Variants in CYSTM1 observed in about 807,000 individuals in gnomAD.
CYSTM1 encodes the protein cysteine-rich transmembrane module-containing protein 1.
A neutral mutation model predicts 13.1 loss-of-function variants in CYSTM1; 4 were observed. The ratio of observed to expected loss-of-function variants is 0.31; its 90% CI spans 0.15 to 0.70. The LOEUF (loss-of-function observed/expected upper bound fraction) is 0.70. Ranked by LOEUF, CYSTM1 falls within the 30% of genes least tolerant of loss-of-function variation. The pLI is 0.72. For missense variants in CYSTM1, 96 were observed against 121.6 expected, an observed-to-expected ratio of 0.79 and a Z score of 0.99; for synonymous variants, 36 against 42.7, an observed-to-expected ratio of 0.84 and a Z score of 0.62.
chr5:140,204,562 A>G (rs1290188706), intron 2 of CYSTM1, among the ~76,000 whole-genome samples: 1 of 151,866 alleles, frequency 6.6e-6, no homozygotes, highest in Non-Finnish European at 1.5e-5. Flanking sequence ...AAAAACCACC[A>G]AAAAATTATA....
intron 1 of CYSTM1, among the ~76,000 whole-genome samples, chr5:140,185,555 A>G (rs1001779032): frequency 2.8e-4 from 42 of 152,304 alleles, no homozygotes; most frequent in African/African-American, 9.4e-4. Flanking sequence ...AAGAAGAGCA[A>G]TTTAGAAAAT....
At position 140,222,733 on chromosome 5, in the gene CYSTM1, C is replaced by T. The variant is rs1035944488; in HGVS notation, c.188-20572C>T. Among the ~76,000 whole-genome samples the T allele has an allele frequency of 5.9e-5, 9 of 152,336 alleles. No individual in the cohort carries two copies. The East Asian group carries it at 1.7e-3, about 29-fold the overall frequency. ...GTGCTGCTCATAGTTCCCAGCCAGC[C>T]TTCCCTCCCTGTGTCTCAGGCCCTG... is the stretch of plus-strand genomic sequence containing the variant. On this transcript the variant is annotated intron_variant, in intron 2 of 2. Transcript: ENST00000261811.
At chr5:140,179,933 G>C (rs1174368507) in intron 1 of CYSTM1, among the ~76,000 whole-genome samples, 1 of 152,152 alleles carries the variant, frequency 6.6e-6, no homozygotes, top group East Asian at 1.9e-4. Context: ...AAAGTGCTGG[G>C]ATTACAGACG....
At chr5:140,214,605 C>T (rs1368520487) in intron 2 of CYSTM1, among the ~76,000 whole-genome samples, 1 of 142,628 alleles carries the variant, frequency 7.0e-6, no homozygotes, top group African/African-American at 2.6e-5. Flanking sequence ...TGGTTTTCTG[C>T]TTTGATACTA....
chr5:140,213,589 A>G (rs1396201483), intron 2 of CYSTM1, among the ~76,000 whole-genome samples: 2 of 152,214 alleles, frequency 1.3e-5, no homozygotes, highest in African/African-American at 4.8e-5. Context: ...AGCAACTTCC[A>G]GGCCTGTAGG....
exon 3 of CYSTM1, chr5:140,243,786 T>TCAA (rs1764782463): frequency 5.2e-6 from 1 of 192,776 alleles, no homozygotes; most frequent in African/African-American, 2.4e-5. Context: ...TGTCCAAAGC[T>TCAA]CAACTGTCTG....
chr5:140,224,385 C>T (rs1284156384), intron 2 of CYSTM1, among the ~76,000 whole-genome samples: 2 of 152,102 alleles, frequency 1.3e-5, no homozygotes, highest in Non-Finnish European at 2.9e-5. Context: ...GTGATCCGCC[C>T]GCCTCGGCCT....
At chr5:140,226,513 T>TA (rs1561816367) in intron 2 of CYSTM1, among the ~76,000 whole-genome samples, 2 of 122,732 alleles carry the variant, frequency 1.6e-5, no homozygotes, top group African/African-American at 6.2e-5. Context: ...TAAATATATA[T>TA]TAATAATATA....
Position 140,219,358 on chromosome 5 carries a change from C to T in CYSTM1, c.188-23947C>T, listed in dbSNP as rs1188945325. 6.6e-6 allele frequency among the ~76,000 whole-genome samples: 1 copy of T among 152,088 alleles called. No homozygotes were observed. Among genetic ancestry groups the T allele is most frequent in the African/African-American group, 2.4e-5 (1 of 41,398 alleles). The stretch of plus-strand genomic sequence containing the variant: ...CCCTGCACAGTTCTTTGCAAATCTA[C>T]AAGGAATGGCCTTTGTTTCTCTGAA... On this transcript the variant is annotated intron_variant, in intron 2 of 2. Coordinates refer to ENST00000261811, the MANE Select transcript of CYSTM1 (RefSeq NM_032412.4). This position sits in a 1 kb window ranked among gnomAD's most constrained non-coding sequence, Gnocchi z 4.1.
chr5:140,230,299 G>A lies in CYSTM1; in HGVS notation c.188-13006G>A, dbSNP rs978433513. On this transcript the variant is annotated intron_variant, in intron 2 of 2. Coordinates refer to ENST00000261811, the MANE Select transcript of CYSTM1 (RefSeq NM_032412.4). This position sits in a 1 kb window ranked among gnomAD's most constrained non-coding sequence, Gnocchi z 4.1. ...AAGCAAAAGGGGCTCACTGCCTGAT[G>A]TGCTAGAAGCCAATTCCATGACACT... 1.3e-5 allele frequency among the ~76,000 whole-genome samples: 2 copies of A among 152,336 alleles called. 1 individual carries two copies. The highest frequency in any genetic ancestry group is 6.8e-3 in the Middle Eastern group (2 of 294).
At chr5:140,177,069 A>AAAAAAAAAAAAAAAAAAAAAAC (rs1763898382) in intron 1 of CYSTM1, among the ~76,000 whole-genome samples, 2 of 35,384 alleles carry the variant, frequency 5.7e-5, no homozygotes, top group African/African-American at 2.3e-4. Context: ...ACTCTGTCTC[A>AAAAAAAAAAAAAAAAAAAAAAC]AAAAAAAAAA....
chr5:140,197,048 A>T (rs1182101978), intron 2 of CYSTM1, among the ~76,000 whole-genome samples: 1 of 152,180 alleles, frequency 6.6e-6, no homozygotes, highest in Non-Finnish European at 1.5e-5. Flanking sequence ...TATCCGGTAG[A>T]CTCAACCCAA....
rs952641223 is a variant in CYSTM1, at chr5:140,219,122, C to T, written c.188-24183C>T. On this transcript the variant is annotated intron_variant, in intron 2 of 2. Transcript: ENST00000261811. The surrounding 1 kb of genome is among the most constrained non-coding windows in gnomAD (Gnocchi z 4.1). ...TCTTCCAGGGCCAGAGTCCTAGTTA[C>T]AGTCGTACAAGCCAGGCCACCACTT... Among the ~76,000 whole-genome samples, 4 of 152,162 alleles carry T rather than the reference C, an allele frequency of 2.6e-5. No homozygotes were observed. The highest frequency in any genetic ancestry group is 1.3e-4 in the Admixed American group (2 of 15,280).
rs1561816353 is a variant in CYSTM1 at position 140,226,504 on chromosome 5, A to AT, written c.188-16801_188-16800insT. Among the ~76,000 whole-genome samples, 348 of 81,260 alleles carry AT rather than the reference A, an allele frequency of 4.3e-3. 1 individual carries two copies. Among genetic ancestry groups the AT allele is most frequent in the African/African-American group, 0.014 (327 of 23,964 alleles). 53.3% of individuals were successfully genotyped at this position (81,260 alleles called of 152,430 possible). ...ATATTTATATATATATAATATATAT[A>AT]AATATATATTAATAATATATAATAT... On this transcript the variant is annotated intron_variant, in intron 2 of 2. Transcript: ENST00000261811.
At chr5:140,241,502 C>CT (rs1330639947) in intron 2 of CYSTM1, among the ~76,000 whole-genome samples, 2 of 152,248 alleles carry the variant, frequency 1.3e-5, no homozygotes, top group African/African-American at 2.4e-5. Context: ...AGTCTCTGGC[C>CT]TGAAGCCCAG....
At chr5:140,209,231 G>C (rs552295333) in intron 2 of CYSTM1, among the ~76,000 whole-genome samples, 1 of 151,336 alleles carries the variant, frequency 6.6e-6, no homozygotes, top group African/African-American at 2.4e-5. Context: ...CTCTGGGCTT[G>C]ATTTTGTAGA....
rs562060558 is a variant in CYSTM1 at position 140,195,218 on chromosome 5, C to T, written c.187+566C>T. Among the ~76,000 whole-genome samples the T allele has an allele frequency of 1.2e-4, 19 of 152,222 alleles. No homozygotes were observed. The East Asian group carries it at 3.7e-3, about 29-fold the overall frequency. ...TCAATGAACAGTGAACAGTTATGGA[C>T]TATATTATATGTACAGAAAGTGAGA... On this transcript the variant is annotated intron_variant, in intron 2 of 2. Coordinates refer to ENST00000261811, the MANE Select transcript of CYSTM1 (RefSeq NM_032412.4).
intron 2 of CYSTM1, among the ~76,000 whole-genome samples, chr5:140,195,751 A>G (rs2126658000): frequency 6.7e-6 from 1 of 148,714 alleles, no homozygotes; most frequent in Non-Finnish European, 1.5e-5. Flanking sequence ...ATTCTTAAAA[A>G]GTGCTTATTA....
At chr5:140,208,166 A>G (rs1643763861) in intron 2 of CYSTM1, among the ~76,000 whole-genome samples, 1 of 152,256 alleles carries the variant, frequency 6.6e-6, no homozygotes, top group South Asian at 2.1e-4. Context: ...CTTTGTTCAC[A>G]ATAGCTAAAA....
Sources: gnomAD v4.1 joint callset for allele counts (sites outside exome capture counted in the v4.1 genomes callset) on GRCh38, gnomAD v4.1.1 for gene constraint, Gnocchi (gnomAD v3.1) non-coding constraint, MANE v1.5 for transcripts, NCBI Gene and HGNC (gene_info 2026-07-23, HGNC 2026-07-21) for gene names.